Variants in ZFAND3 observed in about 807,000 individuals in gnomAD.
ZFAND3 encodes the protein zinc finger AN1-type containing 3.
In ZFAND3, 10 loss-of-function variants were observed where a neutral mutation model predicts 29.6. The ratio of observed to expected loss-of-function variants is 0.34; its 90% CI spans 0.21 to 0.57. ZFAND3 has a LOEUF of 0.57. Ranked by LOEUF, ZFAND3 falls within the 20% of genes least tolerant of loss-of-function variation. ZFAND3 has a pLI of 0.86. For missense variants in ZFAND3, 230 were observed against 304.5 expected (o/e 0.76, Z 1.82); for synonymous variants, 128 against 112.6 (o/e 1.14, Z -0.87).
intron 3 of ZFAND3, among the ~76,000 whole-genome samples, chr6:38,069,259 C>T (rs536955968): frequency 6.6e-6 from 1 of 152,108 alleles, no homozygotes; most frequent in Non-Finnish European, 1.5e-5. Context: ...GAAAATATTG[C>T]CTATTAAAAA....
intron 2 of ZFAND3, among the ~76,000 whole-genome samples, chr6:37,969,130 G>A (rs933173497): frequency 2.6e-5 from 4 of 152,152 alleles, no homozygotes; most frequent in Non-Finnish European, 5.9e-5. Context: ...TTAAGTGTTT[G>A]TGTGTCTAAA....
chr6:37,898,756 A>T (rs1382230491), intron 1 of ZFAND3, among the ~76,000 whole-genome samples: 1 of 152,210 alleles, frequency 6.6e-6, no homozygotes, highest in Non-Finnish European at 1.5e-5. Flanking sequence ...GTTTTAAATG[A>T]GGAAATAAAA....
chr6:38,152,327 A>G lies in ZFAND3; in HGVS notation c.622A>G (p.Met208Val). The change falls in exon 6 of 6, where the codon ATG (methionine) becomes GTG (valine). Residue 208 changes from methionine (M) to valine (V), a missense_variant. Met to Val is a conservative substitution (Grantham distance 21, BLOSUM62 1). Coordinates refer to ENST00000287218, the MANE Select transcript of ZFAND3 (RefSeq NM_021943.3). ...TGGCCGGGAGGAAGCCATCATGAAAATGGTGAAGCTGGACCGGAAAGTGGG... is the reference window on the plus strand; with the variant it reads ...TGGCCGGGAGGAAGCCATCATGAAAGTGGTGAAGCTGGACCGGAAAGTGGG... ...GRGREEAIMK[M>V]VKLDRKVGRS... 2 of 1,611,138 alleles carry G rather than the reference A, an allele frequency of 1.2e-6. No homozygotes were observed. Among genetic ancestry groups the G allele is most frequent in the South Asian group, 1.1e-5 (1 of 90,568 alleles).
chr6:37,824,872 G>T (rs550637748), intron 1 of ZFAND3, among the ~76,000 whole-genome samples: 4 of 152,118 alleles, frequency 2.6e-5, no homozygotes, highest in Non-Finnish European at 5.9e-5. Flanking sequence ...TTTAAGATAG[G>T]GATGGGTAGA....
chr6:37,965,691 GT>G (rs1762280746), intron 2 of ZFAND3, among the ~76,000 whole-genome samples: 1 of 152,100 alleles, frequency 6.6e-6, no homozygotes, highest in Non-Finnish European at 1.5e-5. Context: ...GCTGTGCTAA[GT>G]AGTTGAGAAT....
intron 5 of ZFAND3, among the ~76,000 whole-genome samples, chr6:38,138,040 C>T (rs955903905): frequency 3.9e-5 from 6 of 152,018 alleles, no homozygotes; most frequent in African/African-American, 1.5e-4. Context: ...GAGCCAGGCA[C>T]GGTAACTCAC....
intron 5 of ZFAND3, among the ~76,000 whole-genome samples, chr6:38,143,669 AC>A (rs1320314195): frequency 6.6e-6 from 1 of 152,204 alleles, no homozygotes; most frequent in African/African-American, 2.4e-5. Flanking sequence ...AAGCAGACAG[AC>A]TGATGCCCAG....
intron 1 of ZFAND3, among the ~76,000 whole-genome samples, chr6:37,903,367 A>G (rs1765353597): frequency 6.6e-6 from 1 of 152,222 alleles, no homozygotes; most frequent in South Asian, 2.1e-4. Flanking sequence ...CAGAGATTGA[A>G]TAAAATTGTT....
chr6:37,933,883 ATTTTT>A (rs58837762), intron 2 of ZFAND3, among the ~76,000 whole-genome samples: 24 of 116,504 alleles, frequency 2.1e-4, no homozygotes, highest in Middle Eastern at 5.1e-3. Context: ...TCTCTCTCTC[ATTTTT>A]TTTTTTTTTT....
intron 5 of ZFAND3, among the ~76,000 whole-genome samples, chr6:38,149,685 C>A (rs989253437): frequency 1.3e-5 from 2 of 152,120 alleles, no homozygotes; most frequent in Non-Finnish European, 2.9e-5. Flanking sequence ...GGAAGGCAAG[C>A]TAAGCAAACA....
At chr6:37,899,643 T>A (rs568592316) in intron 1 of ZFAND3, among the ~76,000 whole-genome samples, 5 of 152,372 alleles carry the variant, frequency 3.3e-5, no homozygotes, top group African/African-American at 7.2e-5. Flanking sequence ...TTAGCCCTTA[T>A]GTTTTAGACG....
intron 5 of ZFAND3, among the ~76,000 whole-genome samples, chr6:38,128,497 C>A (rs974368365): frequency 6.6e-6 from 1 of 152,176 alleles, no homozygotes; most frequent in East Asian, 1.9e-4. Flanking sequence ...CCACCCTTTC[C>A]CCCTGAGTCT....
chr6:38,153,636 G>T lies in ZFAND3; in HGVS notation c.*1247G>T. ...CCTGTGCCCCCTCATGTTCACAGAGGATTTCAGCAGCTGCAACTGCGCACG... is the reference window on the plus strand; with the variant it reads ...CCTGTGCCCCCTCATGTTCACAGAGTATTTCAGCAGCTGCAACTGCGCACG... On this transcript the variant is annotated 3_prime_UTR_variant, in exon 6 of 6. Transcript: ENST00000287218. The T allele has an allele frequency of 6.1e-6, 6 of 984,670 alleles. No individual in the cohort carries two copies. The highest frequency in any genetic ancestry group is 7.2e-6 in the Non-Finnish European group (6 of 829,378). 61.0% of individuals were successfully genotyped at this position (984,670 alleles called of 1,614,324 possible).
intron 1 of ZFAND3, among the ~76,000 whole-genome samples, chr6:37,834,862 A>G (rs1251941238): frequency 6.7e-6 from 1 of 149,684 alleles, no homozygotes; most frequent in Admixed American, 6.6e-5. Flanking sequence ...TTCAAAAAAA[A>G]AAACTAGATA....
At chr6:38,076,430 A>G (rs1294799110) in intron 3 of ZFAND3, among the ~76,000 whole-genome samples, 1 of 152,080 alleles carries the variant, frequency 6.6e-6, no homozygotes, top group Non-Finnish European at 1.5e-5. Flanking sequence ...TGTTTAGGGG[A>G]GTTAAGGTGG....
chr6:38,108,849 G>A (rs1280004255), intron 4 of ZFAND3, among the ~76,000 whole-genome samples: 1 of 152,112 alleles, frequency 6.6e-6, no homozygotes, highest in East Asian at 1.9e-4. Flanking sequence ...CATTATAGTC[G>A]AGTTAAAGGA....
chr6:38,079,380 C>G (rs954923823), intron 3 of ZFAND3, among the ~76,000 whole-genome samples: 9 of 152,146 alleles, frequency 5.9e-5, no homozygotes, highest in Admixed American at 2.0e-4. Flanking sequence ...AGAACACCTT[C>G]ATGATGATGC....
chr6:37,833,845 G>A (rs904127097), intron 1 of ZFAND3, among the ~76,000 whole-genome samples: 2 of 148,294 alleles, frequency 1.3e-5, no homozygotes, highest in Non-Finnish European at 3.0e-5. Context: ...AAAAAAAAAG[G>A]ACTTCATTTT....
intron 1 of ZFAND3, among the ~76,000 whole-genome samples, chr6:37,848,352 C>T (rs1339590985): frequency 6.6e-5 from 10 of 152,186 alleles, no homozygotes; most frequent in Admixed American, 2.6e-4. Context: ...AGATTGAGGC[C>T]AGGTAAAGCC....
Sources: gnomAD v4.1 joint callset for allele counts (sites outside exome capture counted in the v4.1 genomes callset) on GRCh38, gnomAD v4.1.1 for gene constraint, MANE v1.5 for transcripts, NCBI Gene and HGNC (gene_info 2026-07-23, HGNC 2026-07-21) for gene names.